The following SRGAP1 variants were observed in gnomAD, a reference collection of about 807,000 sequenced individuals.
The protein encoded by SRGAP1 is SLIT-ROBO Rho GTPase-activating protein 1.
Under a neutral mutation model 121.9 loss-of-function variants are expected in SRGAP1, and 43 were observed. The ratio of observed to expected loss-of-function variants is 0.35; its 90% CI spans 0.28 to 0.46. The LOEUF is 0.46. Ranked by LOEUF, SRGAP1 falls within the 20% of genes least tolerant of loss-of-function variation. The pLI is 1.00. For missense variants in SRGAP1, 1,102 were observed against 1,350.9 expected (o/e 0.82, Z 2.89); for synonymous variants, 447 against 485.4 (o/e 0.92, Z 1.04).
At chr12:63,895,567 T>C (rs948490572) in intron 1 of SRGAP1, among the ~76,000 whole-genome samples, 5 of 152,206 alleles carry the variant, frequency 3.3e-5, no homozygotes, top group African/African-American at 1.2e-4. Context: ...ATAATGAGTC[T>C]AGATCTAGAA....
At chr12:63,875,713 T>C (rs1359771157) in intron 1 of SRGAP1, among the ~76,000 whole-genome samples, 1 of 152,280 alleles carries the variant, frequency 6.6e-6, no homozygotes, top group African/African-American at 2.4e-5. Flanking sequence ...ACAGTAAGAG[T>C]GTATTTGTTT....
rs2037116360 is a variant in SRGAP1, at chr12:64,151,164, C to T, written c.*8492C>T. ...CAAATACCAACCCATGCCTCCATTT[C>T]CCAAACAGAAATAATAATATGAACA... On this transcript the variant is annotated 3_prime_UTR_variant, in exon 22 of 22. Coordinates refer to ENST00000355086, the MANE Select transcript of SRGAP1 (RefSeq NM_020762.4). 6.6e-6 allele frequency: 1 copy of T among 151,976 alleles called. No homozygotes were observed. Among genetic ancestry groups the T allele is most frequent in the African/African-American group, 2.4e-5 (1 of 41,388 alleles). 9.4% of individuals were successfully genotyped at this position (151,976 alleles called of 1,614,324 possible). A position where few individuals can be genotyped will look rare whatever the true frequency, so the allele number is the denominator to read the frequency against.
chr12:63,958,365 T>TC (rs1290718538), intron 1 of SRGAP1, among the ~76,000 whole-genome samples: 1 of 152,068 alleles, frequency 6.6e-6, no homozygotes, highest in Non-Finnish European at 1.5e-5. Context: ...CCCTTCTCAC[T>TC]CCCCAGAAGA....
chr12:64,041,202 CAA>C (rs2035012810), intron 4 of SRGAP1, among the ~76,000 whole-genome samples: 1 of 151,798 alleles, frequency 6.6e-6, no homozygotes, highest in South Asian at 2.1e-4. Flanking sequence ...GTCATATAGA[CAA>C]ATACTATGTA....
At chr12:64,070,997 C>T (rs1351710464) in intron 8 of SRGAP1, among the ~76,000 whole-genome samples, 2 of 152,066 alleles carry the variant, frequency 1.3e-5, no homozygotes, top group African/African-American at 2.4e-5. Context: ...TCTCTGTGGC[C>T]TTTAACTTCA....
intron 1 of SRGAP1, among the ~76,000 whole-genome samples, chr12:63,934,863 A>AT (rs1463268927): frequency 6.6e-6 from 1 of 151,948 alleles, no homozygotes; most frequent in African/African-American, 2.4e-5. Context: ...ACCTCACCTC[A>AT]TTTTTTTTCC....
intron 1 of SRGAP1, among the ~76,000 whole-genome samples, chr12:63,864,559 A>C (rs188009579): frequency 6.6e-6 from 1 of 152,184 alleles, no homozygotes; most frequent in Non-Finnish European, 1.5e-5. Context: ...TTGCCATTAA[A>C]ATAGTGATAA....
intron 1 of SRGAP1, among the ~76,000 whole-genome samples, chr12:63,880,388 C>T (rs1900156898): frequency 6.6e-6 from 1 of 152,024 alleles, no homozygotes; most frequent in Non-Finnish European, 1.5e-5. Flanking sequence ...CATGCCACCC[C>T]GCCTGACTAA....
chr12:63,910,145 T>G (rs954716055), intron 1 of SRGAP1, among the ~76,000 whole-genome samples: 2 of 152,228 alleles, frequency 1.3e-5, no homozygotes, highest in African/African-American at 4.8e-5. Context: ...GGGGATCAAA[T>G]GCAATGCTAC....
At chr12:63,914,027 C>T (rs949700088) in intron 1 of SRGAP1, among the ~76,000 whole-genome samples, 1 of 152,028 alleles carries the variant, frequency 6.6e-6, no homozygotes, top group Non-Finnish European at 1.5e-5. Context: ...AGGGCAAAGT[C>T]CCTCTTGTAT....
chr12:63,894,040 A>G (rs1011270872), intron 1 of SRGAP1, among the ~76,000 whole-genome samples: 1 of 152,168 alleles, frequency 6.6e-6, no homozygotes, highest in Admixed American at 6.5e-5. Context: ...GGGTTTCGCC[A>G]TGTTGGCCAG....
chr12:63,910,108 C>CA (rs2030422540), intron 1 of SRGAP1, among the ~76,000 whole-genome samples: 1 of 152,164 alleles, frequency 6.6e-6, no homozygotes, highest in African/African-American at 2.4e-5. Context: ...AGGAAAGCAT[C>CA]TGTGTCTTTT....
At chr12:64,032,373 C>G (rs2034799984) in intron 4 of SRGAP1, 1 of 450,290 alleles carries the variant, frequency 2.2e-6, no homozygotes, top group Non-Finnish European at 4.2e-6. Context: ...GTATGAGATA[C>G]TTTCATTTTT....
intron 4 of SRGAP1, among the ~76,000 whole-genome samples, chr12:64,018,404 T>C (rs1346071586): frequency 2.0e-5 from 3 of 152,218 alleles, no homozygotes; most frequent in Non-Finnish European, 4.4e-5. Context: ...ATTGTTTTTT[T>C]ATAGGCAAAC....
At chr12:64,091,468 C>G in intron 12 of SRGAP1, 90 bp downstream of exon 12, 1 of 827,070 alleles carries the variant, frequency 1.2e-6, no homozygotes, top group South Asian at 2.1e-5. Context: ...GTCATTATGT[C>G]CAAGTCTGTC....
At chr12:64,012,717 A>G (rs532229245) in intron 3 of SRGAP1, among the ~76,000 whole-genome samples, 3 of 151,304 alleles carry the variant, frequency 2.0e-5, no homozygotes, top group African/African-American at 7.3e-5. Flanking sequence ...TGCCCAGCTA[A>G]TTTTTGTATT....
At chr12:63,943,860 C>G (rs1270883075) in intron 1 of SRGAP1, among the ~76,000 whole-genome samples, 1 of 151,962 alleles carries the variant, frequency 6.6e-6, no homozygotes, top group Non-Finnish European at 1.5e-5. Context: ...GGGAGAAAGC[C>G]TATGAAAGGT....
At position 64,087,042 on chromosome 12, in the gene SRGAP1, A is replaced by C. The variant is rs751312133; in HGVS notation, c.1436+16A>C. The C allele has an allele frequency of 6.4e-7, 1 of 1,569,454 alleles. No individual in the cohort carries two copies. Among genetic ancestry groups the C allele is most frequent in the African/African-American group, 1.4e-5 (1 of 73,866 alleles). On this transcript the variant is annotated intron_variant, in intron 11 of 21. Coordinates refer to ENST00000355086, the MANE Select transcript of SRGAP1 (RefSeq NM_020762.4). ...TGACTACAAGGTAGGAAAATATTTTATCATAACTTATAGCGTATTTTACTT... is the reference window on the plus strand; with the variant it reads ...TGACTACAAGGTAGGAAAATATTTTCTCATAACTTATAGCGTATTTTACTT...
intron 1 of SRGAP1, among the ~76,000 whole-genome samples, chr12:63,852,839 A>G (rs904555243): frequency 6.6e-6 from 1 of 152,140 alleles, no homozygotes; most frequent in African/African-American, 2.4e-5. Context: ...CTGTTTCACT[A>G]GAAAGCACTT....
Sources: gnomAD v4.1 joint callset for allele counts (sites outside exome capture counted in the v4.1 genomes callset) on GRCh38, gnomAD v4.1.1 for gene constraint, MANE v1.5 for transcripts, NCBI Gene and HGNC (gene_info 2026-07-23, HGNC 2026-07-21) for gene names.